Variants in TTN observed in about 807,000 individuals in gnomAD.
The protein encoded by TTN is titin, also known as connectin.
In TTN, 1,525 loss-of-function variants were observed where a neutral mutation model predicts 3,223.0. The ratio of observed to expected loss-of-function variants is 0.47; its 90% CI spans 0.45 to 0.49. The LOEUF (loss-of-function observed/expected upper bound fraction) is 0.49, where lower values mean the gene tolerates loss of function less well. Among genes scored for constraint, TTN ranks in the 20% least tolerant of loss-of-function variants. TTN has a pLI of 0.00. For missense variants in TTN, 40,786 were observed against 43,424.0 expected (o/e 0.94, Z 5.40); for synonymous variants, 14,094 against 15,161.0 (o/e 0.93, Z 5.17).
chr2:178,624,687 C>T lies in TTN; in HGVS notation c.44593G>A (p.Glu14865Lys), dbSNP rs543102139. The stretch of plus-strand genomic sequence containing the variant: ...TCCAGCACTGCAGTGGCTCCCTCTT[C>T]GACCGTCTGGTCCTCAAGAGGCTTA... ...FTKPLEDQTV[E>K]EGATAVLECE... is the part of the protein sequence containing the mutation. The change falls in exon 242 of 363, where the codon GAA becomes AAA. Residue 14865 changes from glutamate (E) to lysine (K), a missense_variant. Physicochemically the swap from Glu to Lys is moderately conservative, Grantham distance 56. Transcript: ENST00000589042. 5.7e-5 allele frequency: 92 copies of T among 1,612,410 alleles called. No homozygotes were observed. The East Asian group carries it at 5.8e-4, about 10-fold the overall frequency.
Position 178,530,596 on chromosome 2 carries a change from C to T in TTN, c.106019G>A (p.Gly35340Asp). Residue 35340 changes from glycine (G) to aspartate (D), a missense_variant, in exon 358 of 363, where the codon GGT (glycine) becomes GAT (aspartate). Transcript: ENST00000589042. ...GHFQFHYSAD[G>D]TYELKINNLT... is the part of the protein sequence containing the mutation. ...GTTATTGATTTTGAGCTCATAGGTA[C>T]CATCTGCTGAATAATGAAACTGGAA... 2 of 1,614,002 alleles carry T rather than the reference C, an allele frequency of 1.2e-6. No individual in the cohort carries two copies. Among genetic ancestry groups the T allele is most frequent in the Non-Finnish European group, 1.7e-6 (2 of 1,179,890 alleles).
chr2:178,632,124 A>C (rs753497653), intron 236 of TTN, 23 bp downstream of exon 236: 3 of 1,548,938 alleles, frequency 1.9e-6, no homozygotes, highest in Non-Finnish European at 1.7e-6. Context: ...ATGCAGTAAA[A>C]TTAAAATTTA....
chr2:178,548,250 T>A lies in TTN; in HGVS notation c.93376A>T (p.Ser31126Cys). The change falls in exon 339 of 363, where the codon AGC (serine) becomes TGC (cysteine). Residue 31126 changes from serine (S) to cysteine (C), a missense_variant. Transcript: ENST00000589042. The surrounding 1 kb of genome is among the most constrained non-coding windows in gnomAD (Gnocchi z 4.3). ...CAAGCTAAGACTGCGGAGGATTTGC[T>A]AGTATCAACAACATCAAGTCTCCTA... ...PPRRLDVVDTSKSSAVLAWLK... is the reference protein window; with the variant it reads ...PPRRLDVVDTCKSSAVLAWLK... 6.2e-7 allele frequency: 1 copy of A among 1,613,862 alleles called. No homozygotes were observed. Among genetic ancestry groups the A allele is most frequent in the East Asian group, 2.2e-5 (1 of 44,862 alleles).
At chr2:178,595,897 GT>G in intron 294 of TTN, 88 bp from the exon 295 acceptor site, 1 of 1,324,450 alleles carries the variant, frequency 7.6e-7, no homozygotes, top group South Asian at 1.4e-5. Context: ...AGACAAAAAT[GT>G]TGTTTTGAAG....
chr2:178,543,176 G>A lies in TTN; in HGVS notation c.96797C>T (p.Ser32266Phe), dbSNP rs773092840. 6.2e-7 allele frequency: 1 copy of A among 1,613,490 alleles called. No individual in the cohort carries two copies. Among genetic ancestry groups the A allele is most frequent in the East Asian group, 2.2e-5 (1 of 44,848 alleles). Residue 32266 changes from serine (S) to phenylalanine (F), a missense_variant, in exon 347 of 363, where the codon TCC becomes TTC. Physicochemically the swap from Ser to Phe is radical, Grantham distance 155. Coordinates refer to ENST00000589042, the MANE Select transcript of TTN (RefSeq NM_001267550.2). ...KPTVLEHTVTSLNEGEQYLFR... is the reference protein window; with the variant it reads ...KPTVLEHTVTFLNEGEQYLFR... ...TAAGTATTGTTCACCTTCATTTAAGGAAGTAACAGTGTGCTCTAGGACTGT... is the reference window on the plus strand; with the variant it reads ...TAAGTATTGTTCACCTTCATTTAAGAAAGTAACAGTGTGCTCTAGGACTGT...
chr2:178,650,541 A>T (rs1055327011), intron 209 of TTN, among the ~76,000 whole-genome samples: 4 of 152,166 alleles, frequency 2.6e-5, no homozygotes, highest in Non-Finnish European at 5.9e-5. Context: ...AGCTTTGTTT[A>T]ATATAGCTTA....
At chr2:178,639,980 T>TTG in intron 222 of TTN, 68 bp downstream of exon 222, 6 of 1,561,422 alleles carry the variant, frequency 3.8e-6, no homozygotes, top group Non-Finnish European at 5.3e-6. Flanking sequence ...CTATCTTTTA[T>TTG]TAAGTACATG....
Position 178,572,390 on chromosome 2 carries a change from T to G in TTN, c.73742A>C (p.Asp24581Ala). The change falls in exon 326 of 363, where the codon GAC becomes GCC. Residue 24581 changes from aspartate (D) to alanine (A), a missense_variant. Transcript: ENST00000589042. ...TNCHKTSWKV[D>A]QLQEGCSYYF... ...GTAGCTACAGCCTTCTTGAAGCTGG[T>G]CTACCTTCCAGGAAGTCTTGTGGCA... is the stretch of plus-strand genomic sequence containing the variant. 6.2e-7 allele frequency: 1 copy of G among 1,613,148 alleles called. No individual in the cohort carries two copies. The highest frequency in any genetic ancestry group is 8.5e-7 in the Non-Finnish European group (1 of 1,179,288).
intron 18 of TTN, 90 bp from the exon 19 acceptor site, chr2:178,782,692 C>G: frequency 1.2e-6 from 2 of 1,603,950 alleles, no homozygotes; most frequent in East Asian, 2.2e-5. Context: ...TAATCTCCCC[C>G]CAAGTTCCAA....
At chr2:178,584,249 C>G (rs367643154) in intron 311 of TTN, 27 bp downstream of exon 311, 1 of 1,528,062 alleles carries the variant, frequency 6.5e-7, no homozygotes. Context: ...AAAACAACAA[C>G]AACAATAAAA....
At chr2:178,605,317 A>G in intron 279 of TTN, 22 bp from the exon 280 acceptor site, 1 of 1,542,458 alleles carries the variant, frequency 6.5e-7, no homozygotes, top group Non-Finnish European at 8.7e-7. Context: ...AGAGAAAGAA[A>G]AACAGTAACA....
In TTN at chr2:178,740,921, G is replaced by T. The variant is rs765135653; in HGVS notation, c.12312C>A (p.Ser4104Arg). The change falls in exon 48 of 363, where the codon AGC (serine) becomes AGA (arginine). Residue 4104 changes from serine (S) to arginine (R), a missense_variant. Ser to Arg is a moderately radical substitution (Grantham distance 110). Coordinates refer to ENST00000589042, the MANE Select transcript of TTN (RefSeq NM_001267550.2). ...CCTGAGCTCCCAAAGGAAGCTGACT[G>T]CTCAATTCATTGGCTTTAGCAATAT... ...YEHIAKANELSSQLPLGAQEL... is the reference protein window; with the variant it reads ...YEHIAKANELRSQLPLGAQEL... 1.2e-6 allele frequency: 2 copies of T among 1,613,898 alleles called. No individual in the cohort carries two copies. The highest frequency in any genetic ancestry group is 1.7e-5 in the Admixed American group (1 of 60,006).
At chr2:178,684,631 T>C (rs1577382457) in intron 131 of TTN, 35 bp downstream of exon 131, 6 of 1,585,322 alleles carry the variant, frequency 3.8e-6, no homozygotes, top group Non-Finnish European at 5.2e-6. Flanking sequence ...ACAAGCCATA[T>C]GTTCCTAGTT....
Position 178,784,344 on chromosome 2 carries a change from A to T in TTN, c.2501T>A (p.Ile834Lys). ...PKTEHGYEAS[I>K]AGSAIATLQK... ...TAATGTGGCAATAGCACTACCGGCT[A>T]TTGATGCCTACATGGAAACAGAGTC... Residue 834 changes from isoleucine (I) to lysine (K), a missense_variant, in exon 16 of 363, where the codon ATA (isoleucine) becomes AAA (lysine). Physicochemically the swap from Ile to Lys is moderately radical, Grantham distance 102. Transcript: ENST00000589042. 6.2e-7 allele frequency: 1 copy of T among 1,614,104 alleles called. No individual in the cohort carries two copies. The highest frequency in any genetic ancestry group is 8.5e-7 in the Non-Finnish European group (1 of 1,179,996).
In TTN at chr2:178,552,962, A is replaced by G; in HGVS notation, c.89938T>C (p.Trp29980Arg). 6.2e-7 allele frequency: 1 copy of G among 1,613,260 alleles called. No homozygotes were observed. Among genetic ancestry groups the G allele is most frequent in the Non-Finnish European group, 8.5e-7 (1 of 1,179,838 alleles). The change falls in exon 335 of 363, where the codon TGG becomes CGG. Residue 29980 changes from tryptophan (W) to arginine (R), a missense_variant. Transcript: ENST00000589042. ...IEKRDATKRT[W>R]SVVSHKCSST... is the part of the protein sequence containing the mutation. The stretch of plus-strand genomic sequence containing the variant: ...GAACATTTGTGTGACACGACAGACC[A>G]TGTTCTCTTGGTGGCATCTCTCTTT...
intron 220 of TTN, 67 bp from the exon 221 acceptor site, chr2:178,640,697 T>C (rs1024559058): frequency 3.2e-5 from 41 of 1,301,486 alleles, no homozygotes; most frequent in Non-Finnish European, 3.9e-5. Flanking sequence ...ATCTGAAATA[T>C]CAATTTATTT....
rs745704450 is a variant in TTN, at chr2:178,739,439, A to T, written c.13794T>A (p.Gly4598=). ...VATVKIQEAE[G]GLIKEDGPMI... ...TGGGGCCATCCTCTTTGATTAAGCC[A>T]CCCTCAGCTTCCTGTATCTTTACTG... The change falls in exon 48 of 363, where the codon GGT becomes GGA. Residue 4598 remains glycine (G), a synonymous_variant. Coordinates refer to ENST00000589042, the MANE Select transcript of TTN (RefSeq NM_001267550.2). 1 of 1,613,724 alleles carries T rather than the reference A, an allele frequency of 6.2e-7. No individual in the cohort carries two copies. The highest frequency in any genetic ancestry group is 8.5e-7 in the Non-Finnish European group (1 of 1,179,784).
In TTN at chr2:178,631,078, C is replaced by T. The variant is rs774245300; in HGVS notation, c.43970G>A (p.Cys14657Tyr). 1 of 1,613,338 alleles carries T rather than the reference C, an allele frequency of 6.2e-7. No individual in the cohort carries two copies. Among genetic ancestry groups the T allele is most frequent in the Non-Finnish European group, 8.5e-7 (1 of 1,179,602 alleles). Residue 14657 changes from cysteine to tyrosine, a missense_variant, in exon 237 of 363, where the codon TGT (cysteine) becomes TAT (tyrosine). Coordinates refer to ENST00000589042, the MANE Select transcript of TTN (RefSeq NM_001267550.2). ...TGAGGTCTTATCTGTCCCACAGTCACAGGTGTACTGTCCAATATCTGATTT... is the reference window on the plus strand; with the variant it reads ...TGAGGTCTTATCTGTCCCACAGTCATAGGTGTACTGTCCAATATCTGATTT... ...ALKSDIGQYT[C>Y]DCGTDKTSGK...
intron 7 of TTN, 101 bp downstream of exon 7, chr2:178,794,821 G>A: frequency 6.9e-7 from 1 of 1,459,516 alleles, no homozygotes; most frequent in Non-Finnish European, 9.5e-7. Flanking sequence ...ATGTTCATAT[G>A]CATTTTTCCT....
Sources: allele counts gnomAD v4.1 joint callset (sites outside exome capture counted in the v4.1 genomes callset), GRCh38; gene constraint gnomAD v4.1.1; non-coding constraint Gnocchi (gnomAD v3.1); transcripts MANE v1.5; gene names NCBI Gene and HGNC (gene_info 2026-07-23, HGNC 2026-07-21).